The following SLC35G1 variants were observed in gnomAD, a reference collection of about 807,000 sequenced individuals.
The protein encoded by SLC35G1 is solute carrier family 35 member G1.
Under a neutral mutation model 17.1 loss-of-function variants are expected in SLC35G1, and 10 were observed. The observed-to-expected ratio is 0.59, with a 90% CI of 0.36 to 0.99. The LOEUF (loss-of-function observed/expected upper bound fraction) is 0.99. Among genes scored for constraint, SLC35G1 ranks in the 50% least tolerant of loss-of-function variants. The probability of loss-of-function intolerance (pLI) is 0.01; values close to 1 mark genes in which losing one functional copy is unlikely to be tolerated. For missense variants in SLC35G1, 433 were observed against 468.4 expected (o/e 0.92, Z 0.70); for synonymous variants, 185 against 181.1 (o/e 1.02, Z -0.18).
chr10:93,898,031 G>A (rs888323736), intron 1 of SLC35G1, among the ~76,000 whole-genome samples: 2 of 152,174 alleles, frequency 1.3e-5, no homozygotes, highest in Non-Finnish European at 1.5e-5. Flanking sequence ...TATTTATCCA[G>A]TGTCTTCCAT....
chr10:93,909,080 G>A (rs2060443864), exon 3 of SLC35G1: 1 of 152,160 alleles, frequency 6.6e-6, no homozygotes, highest in African/African-American at 2.4e-5. Flanking sequence ...GAAGAATCTG[G>A]AGGCATAGCT....
exon 3 of SLC35G1, chr10:93,909,631 G>A (rs769283941): frequency 6.6e-6 from 1 of 152,078 alleles, no homozygotes. Context: ...ACACAGTCAA[G>A]TCTTCATGTC....
Position 93,901,511 on chromosome 10 carries a change from T to G in SLC35G1, c.*21T>G. On this transcript the variant is annotated 3_prime_UTR_variant, in exon 3 of 3. Coordinates refer to ENST00000427197, the MANE Select transcript of SLC35G1 (RefSeq NM_001134658.3). The stretch of plus-strand genomic sequence containing the variant: ...AATGAAGCATCATTGCTGAAATACA[T>G]ATTTTTTTCAAGTACACCATCACCT... 1 of 1,558,768 alleles carries G rather than the reference T, an allele frequency of 6.4e-7. No individual in the cohort carries two copies.
chr10:93,896,560 G>A (rs1253339866), intron 1 of SLC35G1, among the ~76,000 whole-genome samples: 1 of 152,174 alleles, frequency 6.6e-6, no homozygotes, highest in East Asian at 1.9e-4. Flanking sequence ...GGATTGAAAT[G>A]ATTTAGTAAG....
chr10:93,900,384 A>G (rs1358881314), intron 2 of SLC35G1, among the ~76,000 whole-genome samples: 4 of 152,158 alleles, frequency 2.6e-5, no homozygotes, highest in East Asian at 3.9e-4. Flanking sequence ...AAAATTACCT[A>G]TGAGTTTATC....
At chr10:93,907,579 T>G (rs2134075060), downstream of SLC35G1, 1 of 152,310 alleles carries the variant, frequency 6.6e-6, no homozygotes, top group Non-Finnish European at 1.5e-5. Context: ...TGGAATAATG[T>G]CCAAAATTGT....
At position 93,898,647 on chromosome 10, in the gene SLC35G1, C is replaced by A; in HGVS notation, c.255C>A (p.Gly85=). The A allele has an allele frequency of 6.2e-7, 1 of 1,613,832 alleles. No individual in the cohort carries two copies. The highest frequency in any genetic ancestry group is 1.1e-5 in the South Asian group (1 of 91,040). Residue 85 remains glycine, a synonymous_variant, in exon 2 of 3, where the codon GGC becomes GGA. Coordinates refer to ENST00000427197, the MANE Select transcript of SLC35G1 (RefSeq NM_001134658.3). ...TGTCTGCCTTCCTTTTCTCAGTGGG[C>A]TCTTTATTTGTTAAAAAAGTGCAAG... The part of the protein sequence containing the change: ...TLLSAFLFSV[G]SLFVKKVQDV...
chr10:93,904,115 A>G (rs903625787), downstream of SLC35G1, among the ~76,000 whole-genome samples: 3 of 152,194 alleles, frequency 2.0e-5, no homozygotes, highest in Admixed American at 2.0e-4. Flanking sequence ...TCCTGTAGCT[A>G]ATCCGTTACT....
chr10:93,907,498 T>G (rs1430395774), downstream of SLC35G1: 3 of 152,210 alleles, frequency 2.0e-5, no homozygotes, highest in African/African-American at 7.2e-5. Context: ...TCATGGTATA[T>G]ACCCAAAATA....
In SLC35G1 at chr10:93,894,128, C is replaced by T. The variant is rs940966832; in HGVS notation, c.95C>T (p.Ala32Val). Residue 32 changes from alanine to valine, a missense_variant, in exon 1 of 3, where the codon GCG becomes GTG. Physicochemically the swap from Ala to Val is moderately conservative, Grantham distance 64. Transcript: ENST00000427197. ...CCCCCGGGCGCCACTGAGGAGCCGG[C>T]GGCCGCCGAGGCAGCTGGGGCGCCA... is the stretch of plus-strand genomic sequence containing the variant. ...DAPPGATEEP[A>V]AAEAAGAPDR... 1.3e-6 allele frequency: 2 copies of T among 1,484,886 alleles called. No homozygotes were observed. Among genetic ancestry groups the T allele is most frequent in the South Asian group, 1.3e-5 (1 of 78,870 alleles). 92.0% of individuals were successfully genotyped at this position (1,484,886 alleles called of 1,614,324 possible). A position where few individuals can be genotyped will look rare whatever the true frequency, so the allele number is the denominator to read the frequency against.
rs572243804 is a variant in SLC35G1, at chr10:93,899,538, C to A, written c.359+787C>A. On this transcript the variant is annotated intron_variant, in intron 2 of 2. Transcript: ENST00000427197. ...GACCAGTTGGGTCCTTGGTGGCTGC[C>A]TGGCTCTTTGTCTCTTTGGGCAAAA... Among the ~76,000 whole-genome samples the A allele has an allele frequency of 1.1e-4, 16 of 152,250 alleles. No individual in the cohort carries two copies. The South Asian group carries it at 3.3e-3, about 32-fold the overall frequency.
At chr10:93,906,132 A>AT (rs1336662539), downstream of SLC35G1, 1 of 152,220 alleles carries the variant, frequency 6.6e-6, no homozygotes, top group Non-Finnish European at 1.5e-5. Context: ...ACTATATTTG[A>AT]TTTTTTCTAT....
chr10:93,909,789 A>G lies in SLC35G1; in HGVS notation c.*2811A>G, dbSNP rs928923119. 6.6e-5 allele frequency: 10 copies of G among 152,118 alleles called. No homozygotes were observed. The East Asian group carries it at 1.9e-3, about 29-fold the overall frequency. The allele number at this position is 152,118 out of a possible 1,614,324, so 9.4% of individuals were successfully genotyped here. On this transcript the variant is annotated 3_prime_UTR_variant and NMD_transcript_variant, in exon 3 of 3. Transcript: ENST00000483386. ...AGTACCTGATTCCCTAAACTGTCAA[A>G]TTTCCCGTTGTATATTAATAAAATT...
Position 93,900,905 on chromosome 10 carries a change from C to T in SLC35G1, c.513C>T (p.Ser171=). The change falls in exon 3 of 3, where the codon TCC becomes TCT. Residue 171 remains serine, a synonymous_variant. Coordinates refer to ENST00000427197, the MANE Select transcript of SLC35G1 (RefSeq NM_001134658.3). Reference sequence around the variant, plus strand: ...CGTTTAGCAGTCCAGTGTTTACGTCCATATTTGCTTGGATATGTCTCAAGG... The same window carrying T: ...CGTTTAGCAGTCCAGTGTTTACGTCTATATTTGCTTGGATATGTCTCAAGG... ...VITFSSPVFT[S]IFAWICLKEK... is the part of the protein sequence containing the mutation. The T allele has an allele frequency of 6.2e-7, 1 of 1,614,046 alleles. No homozygotes were observed. Among genetic ancestry groups the T allele is most frequent in the Non-Finnish European group, 8.5e-7 (1 of 1,179,968 alleles).
rs1306822505 is a variant in SLC35G1, at chr10:93,901,665, G to C, written c.*175G>C. On this transcript the variant is annotated 3_prime_UTR_variant, in exon 3 of 3. Transcript: ENST00000427197. ...TAGTTAAGAATAGCTAGTCTGTTTGGTGTAACAATTTTTTGGTAGCTTTGG... is the reference window on the plus strand; with the variant it reads ...TAGTTAAGAATAGCTAGTCTGTTTGCTGTAACAATTTTTTGGTAGCTTTGG... 2.9e-6 allele frequency: 2 copies of C among 695,572 alleles called. No homozygotes were observed. Among genetic ancestry groups the C allele is most frequent in the Non-Finnish European group, 4.1e-6 (2 of 492,782 alleles). 43.1% of individuals were successfully genotyped at this position (695,572 alleles called of 1,614,324 possible).
rs76712971 is a variant in SLC35G1 at position 93,900,336 on chromosome 10, G to A, written c.360-416G>A. 9.1e-3 allele frequency among the ~76,000 whole-genome samples: 1,392 copies of A among 152,140 alleles called. 21 individuals are homozygous for A. Among genetic ancestry groups the A allele is most frequent in the African/African-American group, 0.031 (1,271 of 41,494 alleles). ...ATTGTATTTATCATAAAAGTGATATGTTTATAGAAAATTTGGAGAAAATAA... is the reference window on the plus strand; with the variant it reads ...ATTGTATTTATCATAAAAGTGATATATTTATAGAAAATTTGGAGAAAATAA... On this transcript the variant is annotated intron_variant, in intron 2 of 2. Transcript: ENST00000427197.
At chr10:93,898,438 A>G (rs2060351783) in intron 1 of SLC35G1, 133 bp from the exon 2 acceptor site, 1 of 753,694 alleles carries the variant, frequency 1.3e-6, no homozygotes, top group Non-Finnish European at 2.1e-6. Context: ...GTACAGGCCC[A>G]GAGAAATGAT....
chr10:93,901,737 G>A lies in SLC35G1; in HGVS notation c.*247G>A. The A allele has an allele frequency of 2.7e-6, 1 of 372,984 alleles. No homozygotes were observed. The highest frequency in any genetic ancestry group is 4.7e-6 in the Non-Finnish European group (1 of 211,672). 23.1% of individuals were successfully genotyped at this position (372,984 alleles called of 1,614,324 possible). A position where few individuals can be genotyped will look rare whatever the true frequency, so the allele number is the denominator to read the frequency against. The stretch of plus-strand genomic sequence containing the variant: ...TTGTTGTTGTTGGGGTCAAGTTGGT[G>A]AGAGGAGAGCTCATTGTTTGAAGAA... On this transcript the variant is annotated 3_prime_UTR_variant, in exon 3 of 3. Coordinates refer to ENST00000427197, the MANE Select transcript of SLC35G1 (RefSeq NM_001134658.3).
Position 93,894,067 on chromosome 10 carries a change from C to T in SLC35G1, c.34C>T (p.Leu12Phe). 1.3e-6 allele frequency: 2 copies of T among 1,483,264 alleles called. No homozygotes were observed. The highest frequency in any genetic ancestry group is 8.9e-7 in the Non-Finnish European group (1 of 1,125,008). 91.9% of individuals were successfully genotyped at this position (1,483,264 alleles called of 1,614,324 possible). ...TCAGGACAGCACCGGGGTCGCGGAG[C>T]TCCAGGAGCCCGGGCTGCCGCTAAC... is the stretch of plus-strand genomic sequence containing the variant. ...RPQDSTGVAE[L>F]QEPGLPLTDD... Residue 12 changes from leucine to phenylalanine, a missense_variant, in exon 1 of 3, where the codon CTC becomes TTC. Physicochemically the swap from Leu to Phe is conservative, Grantham distance 22. Coordinates refer to ENST00000427197, the MANE Select transcript of SLC35G1 (RefSeq NM_001134658.3).
Sources: allele counts gnomAD v4.1 joint callset (sites outside exome capture counted in the v4.1 genomes callset), GRCh38; gene constraint gnomAD v4.1.1; transcripts MANE v1.5; gene names NCBI Gene and HGNC (gene_info 2026-07-23, HGNC 2026-07-21).